The following GPC5 variants were observed in gnomAD, a reference collection of about 807,000 sequenced individuals.
GPC5 encodes the protein glypican-5.
GPC5 carries 47 observed loss-of-function variants against 53.9 expected under a neutral mutation model. That is an observed-to-expected ratio of 0.87 (90% confidence interval 0.69 to 1.11). GPC5 has a LOEUF of 1.11. GPC5 is among the 50% of genes most tolerant of loss of function. The pLI, the probability that GPC5 is intolerant of heterozygous loss-of-function variation, is 0.00. For synonymous variants in GPC5, 286 were observed against 263.3 expected, an observed-to-expected ratio of 1.09 and a Z score of -0.84; for missense variants, 748 against 713.1, an observed-to-expected ratio of 1.05 and a Z score of -0.56.
intron 7 of GPC5, among the ~76,000 whole-genome samples, chr13:92,361,545 G>C (rs956242601): frequency 6.6e-6 from 1 of 151,682 alleles, no homozygotes; most frequent in Admixed American, 6.5e-5. Context: ...AGGTTTTTCT[G>C]TTCCCAAACA....
intron 6 of GPC5, among the ~76,000 whole-genome samples, chr13:92,117,503 T>G (rs2138937956): frequency 6.6e-6 from 1 of 152,324 alleles, no homozygotes; most frequent in Non-Finnish European, 1.5e-5. Context: ...ATTAATTTGT[T>G]GATATTTACC....
chr13:92,547,849 T>TTTTTTA (rs1882175895), intron 7 of GPC5, among the ~76,000 whole-genome samples: 1 of 143,838 alleles, frequency 7.0e-6, no homozygotes. Flanking sequence ...TTTTTCTTTT[T>TTTTTTA]GAGACGGAAT....
intron 2 of GPC5, among the ~76,000 whole-genome samples, chr13:91,571,888 T>C (rs1256943392): frequency 2.0e-5 from 2 of 100,354 alleles, no homozygotes; most frequent in East Asian, 5.6e-4. Context: ...CACATATACG[T>C]GTGTATATAC....
intron 2 of GPC5, among the ~76,000 whole-genome samples, chr13:91,542,861 T>C (rs1468443397): frequency 7.0e-6 from 1 of 143,580 alleles, no homozygotes; most frequent in Non-Finnish European, 1.5e-5. Context: ...TTTTTTTTTT[T>C]TTTTTTTTTT....
intron 2 of GPC5, among the ~76,000 whole-genome samples, chr13:91,575,573 TG>T (rs1448232258): frequency 6.6e-6 from 1 of 152,122 alleles, no homozygotes; most frequent in Non-Finnish European, 1.5e-5. Flanking sequence ...TTTATATGCA[TG>T]TTAAAACTGT....
chr13:91,990,935 T>G (rs538342914), intron 6 of GPC5, among the ~76,000 whole-genome samples: 22 of 152,372 alleles, frequency 1.4e-4, no homozygotes, highest in African/African-American at 4.8e-4. Flanking sequence ...GTAGTTTACT[T>G]AATAAGAATT....
chr13:92,155,995 T>A, intron 7 of GPC5, among the ~76,000 whole-genome samples: 1 of 152,194 alleles, frequency 6.6e-6, no homozygotes, highest in Non-Finnish European at 1.5e-5. Flanking sequence ...GTTGCTTATT[T>A]TATGTTAATA....
At position 91,571,845 on chromosome 13, in the gene GPC5, G is replaced by GTATA. The variant is rs762061171; in HGVS notation, c.326-121339_326-121336dup. On this transcript the variant is annotated intron_variant, in intron 2 of 7. Coordinates refer to ENST00000377067, the MANE Select transcript of GPC5 (RefSeq NM_004466.6). ...TGTATATATACACATATACTTGTGT[G>GTATA]TATATACACATATACGTGTGTGTAT... Among the ~76,000 whole-genome samples the GTATA allele has an allele frequency of 7.6e-5, 7 of 92,540 alleles. No individual in the cohort carries two copies. In the South Asian group the frequency reaches 1.4e-3, roughly 18 times the overall value. The allele number at this position is 92,540 out of a possible 152,430, so 60.7% of individuals were successfully genotyped here.
intron 7 of GPC5, among the ~76,000 whole-genome samples, chr13:92,468,337 G>C (rs961928666): frequency 5.9e-5 from 9 of 152,248 alleles, no homozygotes; most frequent in East Asian, 3.9e-4. Context: ...AGTGGGAATA[G>C]AGAAAAGGTC....
intron 7 of GPC5, among the ~76,000 whole-genome samples, chr13:92,326,284 A>G (rs2043250253): frequency 6.6e-6 from 1 of 152,090 alleles, no homozygotes; most frequent in African/African-American, 2.4e-5. Context: ...CTTGTACAAT[A>G]AAAGAAAGTA....
intron 6 of GPC5, among the ~76,000 whole-genome samples, chr13:92,130,975 TTAA>T (rs1412483276): frequency 6.6e-6 from 1 of 151,618 alleles, no homozygotes; most frequent in East Asian, 1.9e-4. Context: ...AAATCCAGAA[TTAA>T]TAAAGAACTC....
At chr13:91,612,755 A>G (rs1489610786) in intron 2 of GPC5, among the ~76,000 whole-genome samples, 1 of 152,170 alleles carries the variant, frequency 6.6e-6, no homozygotes, top group Non-Finnish European at 1.5e-5. Flanking sequence ...TCATCACCCT[A>G]ATTTATTTTC....
At chr13:91,411,889 A>C (rs1028888090) in intron 1 of GPC5, among the ~76,000 whole-genome samples, 1 of 152,244 alleles carries the variant, frequency 6.6e-6, no homozygotes, top group Non-Finnish European at 1.5e-5. Context: ...TTTAAAATGT[A>C]TAGAAACACA....
chr13:92,663,846 CACACACACACTATATATATATATA>C lies in GPC5; in HGVS notation c.1562-202435_1562-202412del, dbSNP rs1566350972. On this transcript the variant is annotated intron_variant, in intron 7 of 7. Transcript: ENST00000377067. ...TATATACACACACTATATATATATA[CACACACACACTATATATATATATA>C]TATATATATATATATATATATATAT... Among the ~76,000 whole-genome samples, 245 of 115,716 alleles carry C rather than the reference CACACACACACTATATATATATATA, an allele frequency of 2.1e-3. 6 individuals are homozygous for C. Among genetic ancestry groups the C allele is most frequent in the African/African-American group, 7.7e-3 (222 of 28,936 alleles). 75.9% of individuals were successfully genotyped at this position (115,716 alleles called of 152,430 possible). A position where few individuals can be genotyped will look rare whatever the true frequency, so the allele number is the denominator to read the frequency against.
intron 6 of GPC5, among the ~76,000 whole-genome samples, chr13:92,134,307 G>A (rs1312154159): frequency 6.6e-6 from 1 of 152,144 alleles, no homozygotes; most frequent in East Asian, 1.9e-4. Flanking sequence ...TGAATTACCA[G>A]TGCCCTTACT....
intron 2 of GPC5, among the ~76,000 whole-genome samples, chr13:91,561,997 T>C (rs577147501): frequency 1.3e-5 from 2 of 152,114 alleles, no homozygotes; most frequent in African/African-American, 4.8e-5. Context: ...CACATAATAA[T>C]TCAATACATA....
At chr13:91,721,466 A>G (rs1172213953) in intron 3 of GPC5, among the ~76,000 whole-genome samples, 1 of 152,138 alleles carries the variant, frequency 6.6e-6, no homozygotes, top group Non-Finnish European at 1.5e-5. Context: ...CTGTGCATAC[A>G]TCTCTCCAAA....
intron 7 of GPC5, among the ~76,000 whole-genome samples, chr13:92,740,960 G>GTGTGTGTA (rs35795926): frequency 1.7e-5 from 2 of 117,700 alleles, no homozygotes; most frequent in Non-Finnish European, 3.7e-5. Context: ...ATATGTATGT[G>GTGTGTGTA]TATATATATA....
intron 6 of GPC5, among the ~76,000 whole-genome samples, chr13:91,970,436 C>G (rs967155950): frequency 6.6e-6 from 1 of 151,722 alleles, no homozygotes; most frequent in Non-Finnish European, 1.5e-5. Context: ...GATTGCCCCC[C>G]CCTCACACAT....
Sources: gnomAD v4.1 joint callset for allele counts (sites outside exome capture counted in the v4.1 genomes callset) on GRCh38, gnomAD v4.1.1 for gene constraint, MANE v1.5 for transcripts, NCBI Gene and HGNC (gene_info 2026-07-23, HGNC 2026-07-21) for gene names.